Variants in FOXN3 observed in about 807,000 individuals in gnomAD.
The protein encoded by FOXN3 is forkhead box protein N3.
FOXN3 carries 7 observed loss-of-function variants against 38.4 expected under a neutral mutation model. The ratio of observed to expected loss-of-function variants is 0.18; its 90% CI spans 0.10 to 0.34. The LOEUF is 0.34. Among genes scored for constraint, FOXN3 ranks in the 10% least tolerant of loss-of-function variants. The pLI, the probability that FOXN3 is intolerant of heterozygous loss-of-function variation, is 1.00. For missense variants in FOXN3, 456 were observed against 613.4 expected, an observed-to-expected ratio of 0.74 and a Z score of 2.71; for synonymous variants, 230 against 242.2, an observed-to-expected ratio of 0.95 and a Z score of 0.47.
In FOXN3 at chr14:89,296,590, C is replaced by T. The variant is rs532376393; in HGVS notation, c.681-15576G>A. ...TTTGGTTCTAGCTTCATCTCTGAAG[C>T]AGCAACTTGGGACTTCCCCAGAGGA... On this transcript the variant is annotated intron_variant, in intron 3 of 5. Coordinates refer to ENST00000557258, the MANE Select transcript of FOXN3 (RefSeq NM_005197.4). Among the ~76,000 whole-genome samples, 3 of 152,334 alleles carry T rather than the reference C, an allele frequency of 2.0e-5. No homozygotes were observed. The South Asian group carries it at 6.2e-4, about 32-fold the overall frequency.
intron 1 of FOXN3, among the ~76,000 whole-genome samples, chr14:89,536,641 T>G (rs974456460): frequency 2.6e-5 from 4 of 151,994 alleles, no homozygotes; most frequent in African/African-American, 9.7e-5. Flanking sequence ...ATTATTGTAT[T>G]GTGGTGCATG....
intron 3 of FOXN3, among the ~76,000 whole-genome samples, chr14:89,286,730 C>T (rs1277176021): frequency 6.6e-6 from 1 of 152,284 alleles, no homozygotes; most frequent in Admixed American, 6.5e-5. Context: ...AACAGGGGCT[C>T]TCTGAGTGAA....
At chr14:89,352,753 TATGACAAAGAAATG>T (rs1372678673) in intron 2 of FOXN3, among the ~76,000 whole-genome samples, 55 of 152,124 alleles carry the variant, frequency 3.6e-4, no homozygotes, top group African/African-American at 1.3e-3. Context: ...ACAAAAATAA[TATGACAAAGAAATG>T]AAGGACAACC....
chr14:89,383,737 T>C (rs1193409853), intron 2 of FOXN3, among the ~76,000 whole-genome samples: 1 of 152,210 alleles, frequency 6.6e-6, no homozygotes, highest in Non-Finnish European at 1.5e-5. Context: ...CTCAAATCCA[T>C]TCTGACCTCA....
chr14:89,549,460 G>GTCA (rs1894956277), intron 1 of FOXN3, among the ~76,000 whole-genome samples: 1 of 152,056 alleles, frequency 6.6e-6, no homozygotes, highest in Non-Finnish European at 1.5e-5. Context: ...AAAACATCCG[G>GTCA]AAAGACGCAT....
chr14:89,404,944 A>G (rs1168849624), intron 2 of FOXN3, among the ~76,000 whole-genome samples: 2 of 152,180 alleles, frequency 1.3e-5, no homozygotes, highest in South Asian at 2.1e-4. Flanking sequence ...AGCATTATTT[A>G]TCCAAAAAAA....
At chr14:89,189,000 T>C (rs930993133) in intron 4 of FOXN3, among the ~76,000 whole-genome samples, 3 of 152,082 alleles carry the variant, frequency 2.0e-5, no homozygotes, top group East Asian at 3.9e-4. Context: ...AGCCCAACAT[T>C]GCAATGGCTG....
At chr14:89,586,157 T>C (rs995307567) in intron 1 of FOXN3, among the ~76,000 whole-genome samples, 5 of 152,070 alleles carry the variant, frequency 3.3e-5, no homozygotes, top group African/African-American at 1.2e-4. Context: ...CACCAATGCC[T>C]GGCCTGGCAT....
intron 1 of FOXN3, among the ~76,000 whole-genome samples, chr14:89,565,159 C>T (rs1048235058): frequency 6.6e-6 from 1 of 150,906 alleles, no homozygotes; most frequent in Non-Finnish European, 1.5e-5. Flanking sequence ...GAGAACACCC[C>T]GTGATGATGG....
chr14:89,207,573 A>G (rs75720210), intron 4 of FOXN3, among the ~76,000 whole-genome samples: 4,746 of 152,298 alleles, frequency 0.031, 102 homozygotes, highest in Middle Eastern at 0.071. Flanking sequence ...AGGTGGTGGA[A>G]AGTGGGACAG....
At chr14:89,288,724 C>CTATATATATATA (rs3994031) in intron 3 of FOXN3, among the ~76,000 whole-genome samples, 6 of 42,786 alleles carry the variant, frequency 1.4e-4, no homozygotes, top group Non-Finnish European at 1.5e-4. Flanking sequence ...CTCTCTCTCT[C>CTATATATATATA]TATATATATA....
rs1433088186 is a variant in FOXN3 at position 89,511,177 on chromosome 14, C to CT, written c.-14-98688dup. ...TCTTTCTTTCTTTCTTTCTTTCTTT[C>CT]TTTCTTTCTTTCTTTTCTTTCTTTC... On this transcript the variant is annotated intron_variant, in intron 1 of 6. Transcript: ENST00000345097. Among the ~76,000 whole-genome samples the CT allele has an allele frequency of 5.1e-4, 25 of 48,972 alleles. 2 individuals carry two copies. The highest frequency in any genetic ancestry group is 1.3e-3 in the South Asian group (2 of 1,508). 32.1% of individuals were successfully genotyped at this position (48,972 alleles called of 152,430 possible).
At chr14:89,272,334 G>A (rs1886174324) in intron 4 of FOXN3, among the ~76,000 whole-genome samples, 1 of 151,788 alleles carries the variant, frequency 6.6e-6, no homozygotes, top group African/African-American at 2.4e-5. Context: ...AGTGATGGTT[G>A]CACAATGCTG....
intron 4 of FOXN3, among the ~76,000 whole-genome samples, chr14:89,254,964 CT>C (rs1201086304): frequency 6.6e-6 from 1 of 152,200 alleles, no homozygotes; most frequent in East Asian, 1.9e-4. Context: ...TTTAATGACA[CT>C]TGTGTATCGA....
At chr14:89,494,763 A>C (rs1437875217) in intron 1 of FOXN3, among the ~76,000 whole-genome samples, 1 of 152,248 alleles carries the variant, frequency 6.6e-6, no homozygotes, top group Non-Finnish European at 1.5e-5. Context: ...AATAGTTTTA[A>C]TTAGGCAAAA....
At chr14:89,454,597 A>T (rs1424571902) in intron 1 of FOXN3, among the ~76,000 whole-genome samples, 2 of 152,164 alleles carry the variant, frequency 1.3e-5, no homozygotes, top group Non-Finnish European at 2.9e-5. Context: ...AAAAGAGAAA[A>T]ACCGGAATAA....
At chr14:89,444,007 C>CAAAAAAAAAA (rs569571116) in intron 1 of FOXN3, among the ~76,000 whole-genome samples, 4 of 67,636 alleles carry the variant, frequency 5.9e-5, no homozygotes, top group Non-Finnish European at 7.8e-5. Flanking sequence ...GAAACTCTGT[C>CAAAAAAAAAA]AAAAAAAAAA....
At chr14:89,227,576 T>G (rs1052907550) in intron 4 of FOXN3, among the ~76,000 whole-genome samples, 7 of 152,128 alleles carry the variant, frequency 4.6e-5, no homozygotes, top group Non-Finnish European at 8.8e-5. Context: ...TCTTCTGAAT[T>G]TTTGTGGGGT....
chr14:89,293,356 G>A (rs56935949), intron 3 of FOXN3, among the ~76,000 whole-genome samples: 2,751 of 152,280 alleles, frequency 0.018, 80 homozygotes, highest in African/African-American at 0.062. Context: ...AGACTGGGGG[G>A]TTTAAGCAAC....
Sources: gnomAD v4.1 joint callset for allele counts (sites outside exome capture counted in the v4.1 genomes callset) on GRCh38, gnomAD v4.1.1 for gene constraint, MANE v1.5 for transcripts, NCBI Gene and HGNC (gene_info 2026-07-23, HGNC 2026-07-21) for gene names.